Variants in RAP1GAP2 observed in about 807,000 individuals in gnomAD.
The protein encoded by RAP1GAP2 is rap1 GTPase-activating protein 2.
Under a neutral mutation model 95.0 loss-of-function variants are expected in RAP1GAP2, and 27 were observed. That is an observed-to-expected ratio of 0.28 (90% CI 0.21 to 0.39). The LOEUF is 0.39. RAP1GAP2 is among the 10% of genes least tolerant of loss of function. The pLI, the probability that RAP1GAP2 is intolerant of heterozygous loss-of-function variation, is 1.00. For synonymous variants in RAP1GAP2, 373 were observed against 380.9 expected, an observed-to-expected ratio of 0.98 and a Z score of 0.24; for missense variants, 771 against 970.0, an observed-to-expected ratio of 0.79 and a Z score of 2.72.
At chr17:2,766,672 A>G (rs72817342) in intron 1 of RAP1GAP2, among the ~76,000 whole-genome samples, 59,008 of 151,510 alleles carry the variant, frequency 0.39, 12,145 homozygotes, top group African/African-American at 0.53. Context: ...TGCATGAGAG[A>G]GATGCTCTGT....
chr17:2,932,545 A>T (rs2043186567), intron 3 of RAP1GAP2, among the ~76,000 whole-genome samples: 1 of 144,794 alleles, frequency 6.9e-6, no homozygotes, highest in South Asian at 2.2e-4. Context: ...ATATCGCGCC[A>T]CTGCACTCCA....
intron 10 of RAP1GAP2, among the ~76,000 whole-genome samples, chr17:2,982,248 C>T (rs1483951385): frequency 6.6e-6 from 1 of 152,214 alleles, no homozygotes; most frequent in Non-Finnish European, 1.5e-5. Flanking sequence ...AAGCGATTCT[C>T]CTGCCTCAGC....
intron 1 of RAP1GAP2, among the ~76,000 whole-genome samples, chr17:2,761,434 A>G (rs1417103842): frequency 6.6e-6 from 1 of 151,232 alleles, no homozygotes; most frequent in South Asian, 2.1e-4. Flanking sequence ...GATTACAGGC[A>G]TGTGCCACCA....
At chr17:2,774,480 G>GTT (rs5818875), upstream of RAP1GAP2, among the ~76,000 whole-genome samples, 2 of 99,486 alleles carry the variant, frequency 2.0e-5, no homozygotes, top group Non-Finnish European at 4.2e-5. Context: ...CCCTGCTATC[G>GTT]TTTTTTTTTT....
At chr17:2,814,849 G>A (rs528860560) in intron 2 of RAP1GAP2, among the ~76,000 whole-genome samples, 5 of 152,238 alleles carry the variant, frequency 3.3e-5, no homozygotes, top group Admixed American at 1.3e-4. Flanking sequence ...TGGGGTGTTG[G>A]GGGGGAGGGT....
chr17:2,861,276 T>G (rs2072375984), intron 2 of RAP1GAP2, among the ~76,000 whole-genome samples: 1 of 151,918 alleles, frequency 6.6e-6, no homozygotes, highest in East Asian at 1.9e-4. Flanking sequence ...ATCTAGTGTG[T>G]GCAATAAATA....
At chr17:2,957,127 C>CAA (rs531735734) in intron 3 of RAP1GAP2, among the ~76,000 whole-genome samples, 5 of 75,218 alleles carry the variant, frequency 6.6e-5, no homozygotes, top group Admixed American at 1.4e-4. Flanking sequence ...GACTCTGTCT[C>CAA]AAAAAAAAAA....
At chr17:2,834,453 G>A (rs974396302) in intron 2 of RAP1GAP2, among the ~76,000 whole-genome samples, 1 of 152,174 alleles carries the variant, frequency 6.6e-6, no homozygotes, top group African/African-American at 2.4e-5. Context: ...TGACCTTGGA[G>A]ACAGTTTCTG....
chr17:2,821,032 G>C (rs2070281709), intron 2 of RAP1GAP2, among the ~76,000 whole-genome samples: 1 of 151,516 alleles, frequency 6.6e-6, no homozygotes, highest in Admixed American at 6.6e-5. Context: ...ACCGCGTCCT[G>C]CCTATTATTT....
intron 2 of RAP1GAP2, among the ~76,000 whole-genome samples, chr17:2,849,451 G>C (rs1333228234): frequency 6.6e-6 from 1 of 152,216 alleles, no homozygotes; most frequent in Non-Finnish European, 1.5e-5. Context: ...TATGTCTCCT[G>C]GAGCCGGTTC....
Position 2,903,982 on chromosome 17 carries a change from G to T in RAP1GAP2, c.81-1302G>T, listed in dbSNP as rs1010569856. Among the ~76,000 whole-genome samples the T allele has an allele frequency of 1.3e-5, 2 of 152,210 alleles. No homozygotes were observed. The highest frequency in any genetic ancestry group is 2.9e-5 in the Non-Finnish European group (2 of 68,034). On this transcript the variant is annotated intron_variant, in intron 2 of 24. Transcript: ENST00000254695. This position sits in a 1 kb window ranked among gnomAD's most constrained non-coding sequence, Gnocchi z 4.1. ...TCGCTGGCAGGACTTGGGCTGGGAA[G>T]AGGGGCAGAAGGATTCTCTGGAGGT...
At chr17:2,951,028 G>A (rs533176559) in intron 3 of RAP1GAP2, among the ~76,000 whole-genome samples, 2 of 152,310 alleles carry the variant, frequency 1.3e-5, no homozygotes, top group Admixed American at 6.5e-5. Flanking sequence ...TTCGACCACC[G>A]GGCTCTGCTG....
At chr17:2,989,670 T>C (rs1219393196) in intron 11 of RAP1GAP2, among the ~76,000 whole-genome samples, 1 of 151,966 alleles carries the variant, frequency 6.6e-6, no homozygotes, top group African/African-American at 2.4e-5. Flanking sequence ...AATGGATTTT[T>C]TTTTTTAACT....
At position 2,797,167 on chromosome 17, in the gene RAP1GAP2, T is replaced by G. The variant is rs989267577; in HGVS notation, c.44+596T>G. ...TCTGGGCTGCCTGCTGTCTTGGGGG[T>G]GGGTTGTGAGAGAAGGTCTCCCACC... is the stretch of plus-strand genomic sequence containing the variant. On this transcript the variant is annotated intron_variant, in intron 1 of 24. Transcript: ENST00000254695. The surrounding 1 kb of genome is among the most constrained non-coding windows in gnomAD (Gnocchi z 5.6). Among the ~76,000 whole-genome samples, 1 of 151,820 alleles carries G rather than the reference T, an allele frequency of 6.6e-6. No individual in the cohort carries two copies.
chr17:2,771,903 AT>A (rs546940440), intron 2 of RAP1GAP2, among the ~76,000 whole-genome samples: 1 of 151,706 alleles, frequency 6.6e-6, no homozygotes, highest in African/African-American at 2.4e-5. Context: ...TAGAATATTA[AT>A]TTTTTTTTAA....
intron 3 of RAP1GAP2, among the ~76,000 whole-genome samples, chr17:2,914,752 AG>A (rs980556357): frequency 1.9e-4 from 28 of 148,046 alleles, no homozygotes; most frequent in Non-Finnish European, 3.6e-4. Flanking sequence ...GGCCTCCCAA[AG>A]TGCTGGGATT....
chr17:3,005,896 G>A lies in RAP1GAP2; in HGVS notation c.1273-59G>A. ...GCTCTGCCTGCCTGTCACTGTGGCT[G>A]AAGACCTTCTGGCAACAGCCGAGAG... On this transcript the variant is annotated intron_variant, in intron 15 of 24. Transcript: ENST00000254695. The surrounding 1 kb of genome is among the most constrained non-coding windows in gnomAD (Gnocchi z 5.2). The A allele has an allele frequency of 6.6e-7, 1 of 1,513,412 alleles. No homozygotes were observed. Among genetic ancestry groups the A allele is most frequent in the Non-Finnish European group, 9.2e-7 (1 of 1,088,736 alleles). The allele number at this position is 1,513,412 out of a possible 1,614,324, so 93.7% of individuals were successfully genotyped here.
At chr17:2,836,813 T>C (rs1324149026) in intron 2 of RAP1GAP2, among the ~76,000 whole-genome samples, 1 of 152,198 alleles carries the variant, frequency 6.6e-6, no homozygotes, top group Non-Finnish European at 1.5e-5. Flanking sequence ...CACTGGCAGC[T>C]CTAGTGTGAG....
intron 2 of RAP1GAP2, among the ~76,000 whole-genome samples, chr17:2,801,039 G>A (rs1403553871): frequency 2.0e-5 from 3 of 150,750 alleles, no homozygotes; most frequent in Non-Finnish European, 3.0e-5. Flanking sequence ...TAGTAGAGAC[G>A]GAGTTTCACC....
Sources: gnomAD v4.1 joint callset for allele counts (sites outside exome capture counted in the v4.1 genomes callset) on GRCh38, gnomAD v4.1.1 for gene constraint, Gnocchi (gnomAD v3.1) non-coding constraint, MANE v1.5 for transcripts, NCBI Gene and HGNC (gene_info 2026-07-23, HGNC 2026-07-21) for gene names.